DLG5: variants seen among roughly 807,000 people sequenced by gnomAD.
The protein encoded by DLG5 is disks large homolog 5.
DLG5 carries 48 observed loss-of-function variants against 189.8 expected under a neutral mutation model. That is an observed-to-expected ratio of 0.25 (90% CI 0.20 to 0.32). DLG5 has a LOEUF of 0.32. DLG5 is among the 10% of genes least tolerant of loss of function. The pLI, the probability that DLG5 is intolerant of heterozygous loss-of-function variation, is 1.00. For synonymous variants in DLG5, 1,016 were observed against 1,054.1 expected (o/e 0.96, Z 0.70); for missense variants, 2,160 against 2,544.7 (o/e 0.85, Z 3.25).
At chr10:77,835,360 C>T (rs907156604) in intron 8 of DLG5, among the ~76,000 whole-genome samples, 1 of 152,204 alleles carries the variant, frequency 6.6e-6, no homozygotes, top group African/African-American at 2.4e-5. Flanking sequence ...GGTCTCCTTG[C>T]TCCAGAGATC....
rs1341431480 is a variant in DLG5 at position 77,828,923 on chromosome 10, C to T, written c.2248G>A (p.Ala750Thr). Residue 750 changes from alanine (A) to threonine (T), a missense_variant, in exon 13 of 32, where the codon GCT (alanine) becomes ACT (threonine). Physicochemically the swap from Ala to Thr is moderately conservative, Grantham distance 58 (BLOSUM62 0). This residue lies in a region of DLG5 where 107 missense variants were observed against 214.5 expected (regional missense o/e 0.50). Transcript: ENST00000372391. ...AAAVLPGSPA[A>T]KEGSLAVGDR... is the part of the protein sequence containing the mutation. ...CCCACAGCAAGGGACCCTTCTTTAG[C>T]GGCAGGGCTTCCAGGCAGCACAGCG... 3 of 1,614,090 alleles carry T rather than the reference C, an allele frequency of 1.9e-6. No individual in the cohort carries two copies. Among genetic ancestry groups the T allele is most frequent in the East Asian group, 2.2e-5 (1 of 44,894 alleles).
intron 1 of DLG5, among the ~76,000 whole-genome samples, chr10:77,914,832 A>G (rs1218516164): frequency 6.6e-6 from 1 of 152,206 alleles, no homozygotes; most frequent in Admixed American, 6.5e-5. Context: ...AGGCTCTCCC[A>G]GAAACCCCAA....
intron 26 of DLG5, 40 bp downstream of exon 26, chr10:77,806,718 A>ACGCCCCCC: frequency 1.3e-5 from 18 of 1,333,646 alleles, no homozygotes; most frequent in Non-Finnish European, 1.8e-5. Context: ...GCCCTCGGCG[A>ACGCCCCCC]CCCCTGCCCC....
intron 1 of DLG5, among the ~76,000 whole-genome samples, chr10:77,898,927 G>A (rs1845843420): frequency 6.6e-6 from 1 of 152,342 alleles, no homozygotes. Flanking sequence ...CGGCAAAGAG[G>A]TTTGCAGCCC....
chr10:77,902,671 T>C, intron 1 of DLG5, among the ~76,000 whole-genome samples: 1 of 151,628 alleles, frequency 6.6e-6, no homozygotes, highest in East Asian at 2.0e-4. Context: ...CCATCCTGGC[T>C]AACATGGTGA....
chr10:77,857,470 C>T (rs1423078174), intron 2 of DLG5, among the ~76,000 whole-genome samples: 1 of 152,244 alleles, frequency 6.6e-6, no homozygotes, highest in African/African-American at 2.4e-5. Flanking sequence ...ACCTGCCCAA[C>T]CAGCCCAGGC....
chr10:77,829,108 C>T (rs1002804315), intron 12 of DLG5, 123 bp from the exon 13 acceptor site: 50 of 1,112,638 alleles, frequency 4.5e-5, no homozygotes, highest in Middle Eastern at 2.9e-4. Flanking sequence ...GCCCTGTCTA[C>T]GCCTGCACCC....
rs543664288 is a variant in DLG5, at chr10:77,792,046, G to C, written c.*394C>G. On this transcript the variant is annotated 3_prime_UTR_variant, in exon 32 of 32. Transcript: ENST00000372391. Reference sequence around the variant, plus strand: ...CAAAGCGACAGGGGGTTGACAGAGGGGACAGGGGCTGGGCACCGGCAACAT... The same window carrying C: ...CAAAGCGACAGGGGGTTGACAGAGGCGACAGGGGCTGGGCACCGGCAACAT... 4 of 197,496 alleles carry C rather than the reference G, an allele frequency of 2.0e-5. No individual in the cohort carries two copies. Among genetic ancestry groups the C allele is most frequent in the Admixed American group, 5.5e-5 (1 of 18,192 alleles). 12.2% of individuals were successfully genotyped at this position (197,496 alleles called of 1,614,324 possible).
intron 1 of DLG5, among the ~76,000 whole-genome samples, chr10:77,873,619 C>A (rs1035513758): frequency 1.5e-4 from 23 of 152,120 alleles, no homozygotes; most frequent in Non-Finnish European, 3.1e-4. Flanking sequence ...ACCATGAGGC[C>A]CAAGAGAGAT....
At chr10:77,881,896 G>C (rs1321544472) in intron 1 of DLG5, among the ~76,000 whole-genome samples, 1 of 152,172 alleles carries the variant, frequency 6.6e-6, no homozygotes, top group Non-Finnish European at 1.5e-5. Context: ...TTCACAGGTC[G>C]GGGACATTCT....
intron 24 of DLG5, among the ~76,000 whole-genome samples, chr10:77,808,970 A>T (rs1276047100): frequency 6.6e-6 from 1 of 151,842 alleles, no homozygotes; most frequent in Non-Finnish European, 1.5e-5. Flanking sequence ...GTGTTGGCGC[A>T]TGCCTGTAAT....
chr10:77,829,525 T>C lies in DLG5; in HGVS notation c.2015A>G (p.Asn672Ser), dbSNP rs751009124. Residue 672 changes from asparagine (N) to serine (S), a missense_variant, in exon 12 of 32, where the codon AAT (asparagine) becomes AGT (serine). Asn to Ser is a conservative substitution (Grantham distance 46, BLOSUM62 1). Coordinates refer to ENST00000372391, the MANE Select transcript of DLG5 (RefSeq NM_004747.4). ...ATCGTTGATTCTCAGCAGCCAGTCA[T>C]TGACCCTGAGAAAGGGCACAGCCAG... The part of the protein sequence containing the change: ...GSIADGRLRV[N>S]DWLLRINDVD... 23 of 1,604,228 alleles carry C rather than the reference T, an allele frequency of 1.4e-5. No individual in the cohort carries two copies. Among genetic ancestry groups the C allele is most frequent in the Admixed American group, 3.4e-5 (2 of 59,460 alleles).
intron 1 of DLG5, among the ~76,000 whole-genome samples, chr10:77,872,489 C>T (rs953865066): frequency 1.3e-5 from 2 of 152,214 alleles, no homozygotes; most frequent in Admixed American, 1.3e-4. Flanking sequence ...ACTCCCACCC[C>T]CAACCCAGGG....
intron 1 of DLG5, among the ~76,000 whole-genome samples, chr10:77,875,717 T>C (rs1183300854): frequency 6.6e-6 from 1 of 151,914 alleles, no homozygotes; most frequent in Non-Finnish European, 1.5e-5. Context: ...CCTCCTGGGA[T>C]GCTGGGGGGA....
Position 77,843,458 on chromosome 10 carries a change from G to A in DLG5, c.1113C>T (p.Leu371=), listed in dbSNP as rs34154181. ...TAIQLQHQCA[L]SLRRFEAIHH... ...GGCCCTAGCCCTACCTCCTCAGGGAGAGGGCGCACTGGTGCTGCAGCTGGA... is the reference window on the plus strand; with the variant it reads ...GGCCCTAGCCCTACCTCCTCAGGGAAAGGGCGCACTGGTGCTGCAGCTGGA... Residue 371 remains leucine (L), a synonymous_variant, in exon 6 of 32, where the codon CTC becomes CTT. Transcript: ENST00000372391. 6.2e-7 allele frequency: 1 copy of A among 1,613,734 alleles called. No homozygotes were observed. The highest frequency in any genetic ancestry group is 2.2e-5 in the East Asian group (1 of 44,886).
chr10:77,861,715 G>C (rs1844479838), intron 2 of DLG5, among the ~76,000 whole-genome samples: 1 of 152,198 alleles, frequency 6.6e-6, no homozygotes, highest in Admixed American at 6.5e-5. Flanking sequence ...AAACACGTCA[G>C]AAAGACTACA....
intron 8 of DLG5, 76 bp downstream of exon 8, chr10:77,835,662 C>A (rs891356966): frequency 8.6e-5 from 125 of 1,450,490 alleles, no homozygotes; most frequent in Non-Finnish European, 1.1e-4. Context: ...ATGATTCCGA[C>A]CCTCCCAACA....
intron 24 of DLG5, 78 bp downstream of exon 24, chr10:77,809,469 T>C (rs1043453965): frequency 1.2e-5 from 18 of 1,482,184 alleles, no homozygotes; most frequent in Non-Finnish European, 1.4e-5. Flanking sequence ...TCCTCCGTCT[T>C]TGGTGCCACC....
the DLG5 span, among the ~76,000 whole-genome samples, chr10:77,937,877 T>TA: frequency 1.4e-5 from 2 of 144,960 alleles, no homozygotes; most frequent in Non-Finnish European, 3.0e-5. Flanking sequence ...TCAGCTAATT[T>TA]TTTTTTTTTT....
Sources: allele counts gnomAD v4.1 joint callset (sites outside exome capture counted in the v4.1 genomes callset), GRCh38; gene constraint gnomAD v4.1.1; regional missense constraint gnomAD v4.1.1; transcripts MANE v1.5; gene names NCBI Gene and HGNC (gene_info 2026-07-23, HGNC 2026-07-21).